GLYR1: variants seen among roughly 807,000 people sequenced by gnomAD.
The protein encoded by GLYR1 is glyoxylate reductase 1 homolog.
In GLYR1, 21 loss-of-function variants were observed where a neutral mutation model predicts 72.7. The ratio of observed to expected loss-of-function variants is 0.29; its 90% CI spans 0.20 to 0.42. The LOEUF (loss-of-function observed/expected upper bound fraction) is 0.42, where lower values mean the gene tolerates loss of function less well. Among genes scored for constraint, GLYR1 ranks in the 10% least tolerant of loss-of-function variants. GLYR1 has a pLI of 1.00. For missense variants in GLYR1, 594 were observed against 712.1 expected (o/e 0.83, Z 1.89); for synonymous variants, 392 against 270.2 (o/e 1.45, Z -4.42).
At chr16:4,828,152 C>G (rs2084532907) in intron 5 of GLYR1, among the ~76,000 whole-genome samples, 1 of 151,642 alleles carries the variant, frequency 6.6e-6, no homozygotes, top group Admixed American at 6.6e-5. Context: ...TCACTTCAAG[C>G]TCCGCCTCCC....
chr16:4,817,423 T>C (rs1322715915), intron 10 of GLYR1, among the ~76,000 whole-genome samples, 175 bp downstream of exon 10: 1 of 152,066 alleles, frequency 6.6e-6, no homozygotes, highest in Non-Finnish European at 1.5e-5. Flanking sequence ...CAGGCAAATG[T>C]TTAGGTTTTA....
intron 3 of GLYR1, among the ~76,000 whole-genome samples, chr16:4,834,474 C>A (rs1363921617): frequency 2.0e-5 from 3 of 147,062 alleles, no homozygotes; most frequent in Admixed American, 6.8e-5. Flanking sequence ...TTTTTTTTTT[C>A]CTTTTTGAGA....
rs1326653610 is a variant in GLYR1 at position 4,803,890 on chromosome 16, C to A, written c.*1346G>T. The A allele has an allele frequency of 6.6e-6, 1 of 152,188 alleles. No individual in the cohort carries two copies. Among genetic ancestry groups the A allele is most frequent in the African/African-American group, 2.4e-5 (1 of 41,424 alleles). The allele number at this position is 152,188 out of a possible 1,614,324, so 9.4% of individuals were successfully genotyped here. ...ATGCAGAGGGATAAAAAACTGACATCCCTTGGGTAACTTTTTTTTTTGCAA... is the reference window on the plus strand; with the variant it reads ...ATGCAGAGGGATAAAAAACTGACATACCTTGGGTAACTTTTTTTTTTGCAA... On this transcript the variant is annotated 3_prime_UTR_variant, in exon 16 of 16. Coordinates refer to ENST00000321919, the MANE Select transcript of GLYR1 (RefSeq NM_032569.4).
rs1392601017 is a variant in GLYR1 at position 4,846,239 on chromosome 16, G to C, written c.39-29C>G. On this transcript the variant is annotated intron_variant, in intron 1 of 15. Transcript: ENST00000321919. ...GAGAAAACACAAAGAGTCAACACTT[G>C]CCCTGCAAAAGCCAGTCCATCTCCT... The C allele has an allele frequency of 2.5e-6, 4 of 1,613,046 alleles. No homozygotes were observed. The African/African-American group carries it at 4.0e-5, about 16-fold the overall frequency.
chr16:4,840,693 T>G (rs1039561802), intron 3 of GLYR1, among the ~76,000 whole-genome samples: 1 of 152,154 alleles, frequency 6.6e-6, no homozygotes, highest in Admixed American at 6.5e-5. Flanking sequence ...AACTATGAGG[T>G]AGGGGGTATC....
intron 13 of GLYR1, 102 bp from the exon 14 acceptor site, chr16:4,811,904 G>T: frequency 1.4e-6 from 2 of 1,449,154 alleles, no homozygotes; most frequent in South Asian, 1.3e-5. Flanking sequence ...TCCAGGGGAG[G>T]CCCCCTTCAC....
intron 3 of GLYR1, among the ~76,000 whole-genome samples, chr16:4,840,585 T>C (rs1346389326): frequency 6.6e-6 from 1 of 152,134 alleles, no homozygotes; most frequent in Non-Finnish European, 1.5e-5. Context: ...TCCATCTCTC[T>C]CAGTTTTCCA....
At chr16:4,833,097 T>C in intron 3 of GLYR1, 185 bp from the exon 4 acceptor site, 2 of 467,408 alleles carry the variant, frequency 4.3e-6, no homozygotes, top group Non-Finnish European at 3.7e-6. Flanking sequence ...TATATTTTCT[T>C]GAAACAAGTC....
At chr16:4,808,572 T>A (rs149332690) in intron 15 of GLYR1, among the ~76,000 whole-genome samples, 164 of 152,046 alleles carry the variant, frequency 1.1e-3, no homozygotes, top group African/African-American at 3.8e-3. Context: ...CACTCCAGCT[T>A]GGGCAACAAG....
chr16:4,805,278 A>C lies in GLYR1; in HGVS notation c.1620T>G (p.Ser540=). 1 of 1,613,602 alleles carries C rather than the reference A, an allele frequency of 6.2e-7. No homozygotes were observed. The highest frequency in any genetic ancestry group is 8.5e-7 in the Non-Finnish European group (1 of 1,179,864). Residue 540 remains serine, a synonymous_variant, in exon 16 of 16, where the codon TCT becomes TCG. Coordinates refer to ENST00000321919, the MANE Select transcript of GLYR1 (RefSeq NM_032569.4). ...GGTACACGGCGGACATATCGTTGTC[A>C]GACTGGTCCAGCGCCTTGGCTCTTT... ...VYKRAKALDQ[S]DNDMSAVYRA... is the part of the protein sequence containing the mutation.
rs1009233526 is a variant in GLYR1, at chr16:4,842,254, A to AC, written c.155+2819_155+2820insG. 1.9e-4 allele frequency among the ~76,000 whole-genome samples: 28 copies of AC among 150,190 alleles called. No homozygotes were observed. The East Asian group carries it at 4.5e-3, about 24-fold the overall frequency. Reference sequence around the variant, plus strand: ...GCGAGACTCCGTTTCAAAAAAAAAAAAACAACAACAAAAAAAAACAAACAG... The same window carrying AC: ...GCGAGACTCCGTTTCAAAAAAAAAAACAACAACAACAAAAAAAAACAAACAG... On this transcript the variant is annotated intron_variant, in intron 3 of 15. Transcript: ENST00000321919.
At chr16:4,817,849 C>T (rs1008548663) in intron 9 of GLYR1, 152 bp from the exon 10 acceptor site, 4 of 628,382 alleles carry the variant, frequency 6.4e-6, no homozygotes, top group Non-Finnish European at 1.1e-5. Flanking sequence ...CCTGCAGAGC[C>T]AGGGGCGTCA....
intron 2 of GLYR1, 50 bp downstream of exon 2, chr16:4,846,124 C>G (rs758091355): frequency 2.5e-6 from 4 of 1,596,178 alleles, no homozygotes; most frequent in Non-Finnish European, 3.4e-6. Context: ...ACATTCTCCA[C>G]CTCTTCAAAC....
At chr16:4,840,409 A>G (rs1244332560) in intron 3 of GLYR1, 1 of 152,226 alleles carries the variant, frequency 6.6e-6, no homozygotes, top group Non-Finnish European at 1.5e-5. Flanking sequence ...TGAGGCGCAT[A>G]CAGTTTTACA....
intron 3 of GLYR1, among the ~76,000 whole-genome samples, chr16:4,837,208 G>A (rs1443405850): frequency 2.6e-5 from 4 of 152,170 alleles, no homozygotes; most frequent in African/African-American, 9.6e-5. Flanking sequence ...GACCGAGGCA[G>A]GTGGATTGAG....
At chr16:4,813,925 C>T in intron 11 of GLYR1, 87 bp from the exon 12 acceptor site, 1 of 1,004,192 alleles carries the variant, frequency 1.0e-6, no homozygotes, top group Non-Finnish European at 1.4e-6. Flanking sequence ...AATCCTGCTG[C>T]TGTTTTGGCT....
chr16:4,845,917 A>G (rs1221705745), intron 2 of GLYR1, among the ~76,000 whole-genome samples: 2 of 152,240 alleles, frequency 1.3e-5, no homozygotes, highest in African/African-American at 4.8e-5. Flanking sequence ...TCAGACTAGA[A>G]TTATTTCCGG....
At chr16:4,840,363 T>G (rs1231596118) in intron 3 of GLYR1, 1 of 152,218 alleles carries the variant, frequency 6.6e-6, no homozygotes, top group African/African-American at 2.4e-5. Flanking sequence ...GAGATCCCTT[T>G]GAAAGCATGA....
chr16:4,843,571 G>GGC (rs2085719118), intron 3 of GLYR1: 1 of 1,289,140 alleles, frequency 7.8e-7, no homozygotes. Context: ...CTGCTAAGCT[G>GGC]GCTTGTGATA....
Sources: allele counts gnomAD v4.1 joint callset (sites outside exome capture counted in the v4.1 genomes callset), GRCh38; gene constraint gnomAD v4.1.1; transcripts MANE v1.5; gene names NCBI Gene and HGNC (gene_info 2026-07-23, HGNC 2026-07-21).